Variants in LHFPL1 observed in about 807,000 individuals in gnomAD.
LHFPL1 encodes LHFPL tetraspan subfamily member 1.
LHFPL1 carries 4 observed loss-of-function variants against 12.1 expected under a neutral mutation model. That is an observed-to-expected ratio of 0.33 (90% CI 0.16 to 0.76). The LOEUF (loss-of-function observed/expected upper bound fraction) is 0.76. Among genes scored for constraint, LHFPL1 ranks in the 30% least tolerant of loss-of-function variants. The pLI is 0.61. For synonymous variants in LHFPL1, 52 were observed against 61.9 expected (o/e 0.84, Z 0.75); for missense variants, 141 against 174.1 (o/e 0.81, Z 1.07).
intron 2 of LHFPL1, among the ~76,000 whole-genome samples, chrX:112,668,500 T>C (rs1167607702): frequency 8.9e-6 from 1 of 112,949 alleles, no homozygotes; most frequent in Non-Finnish European, 1.9e-5. Context: ...CTTGAAGACT[T>C]GTAGGACTAC....
chrX:112,655,018 A>G (rs1161423402), intron 3 of LHFPL1, among the ~76,000 whole-genome samples: 1 of 111,797 alleles, frequency 8.9e-6, no homozygotes, highest in Non-Finnish European at 1.9e-5. Flanking sequence ...TACTAGCTGA[A>G]CTTTTCTGTC....
intron 3 of LHFPL1, among the ~76,000 whole-genome samples, chrX:112,636,042 G>GGGGGCA (rs1930328826): frequency 1.8e-5 from 2 of 110,715 alleles, no homozygotes; most frequent in African/African-American, 3.3e-5. Flanking sequence ...TACTTGGTGT[G>GGGGGCA]GGGGCAGGGG....
chrX:112,679,063 C>T (rs1466212939), intron 1 of LHFPL1, among the ~76,000 whole-genome samples: 1 of 111,500 alleles, frequency 9.0e-6, no homozygotes, highest in Non-Finnish European at 1.9e-5. Context: ...CCTATTCTCT[C>T]ATAAGTAATG....
rs180972468 is a variant in LHFPL1 at position 112,644,849 on chromosome X, G to T, written c.482-13248C>A. On this transcript the variant is annotated intron_variant, in intron 3 of 3. Coordinates refer to ENST00000371968, the MANE Select transcript of LHFPL1 (RefSeq NM_178175.4). Reference sequence around the variant, plus strand: ...AAGAAAACAAACTGTCCATAAAGAAGGAAACTGACAGAAAGAAAAGGTAAC... The same window carrying T: ...AAGAAAACAAACTGTCCATAAAGAATGAAACTGACAGAAAGAAAAGGTAAC... 2.7e-5 allele frequency among the ~76,000 whole-genome samples: 3 copies of T among 112,125 alleles called. No homozygotes were observed. The Admixed American group carries it at 2.8e-4, about 11-fold the overall frequency.
intron 1 of LHFPL1, among the ~76,000 whole-genome samples, chrX:112,675,598 T>A (rs1317480657): frequency 8.9e-6 from 1 of 112,396 alleles, no homozygotes; most frequent in Non-Finnish European, 1.9e-5. Flanking sequence ...TACTTTCAAC[T>A]TTAGGAAAAA....
chrX:112,653,291 A>G (rs1930905298), intron 3 of LHFPL1, among the ~76,000 whole-genome samples: 1 of 111,053 alleles, frequency 9.0e-6, no homozygotes, highest in African/African-American at 3.3e-5. Flanking sequence ...GGCAATGGAG[A>G]CTCCCAGGCC....
chrX:112,662,045 C>G (rs1931203795), intron 2 of LHFPL1, among the ~76,000 whole-genome samples: 1 of 112,509 alleles, frequency 8.9e-6, no homozygotes, highest in Admixed American at 9.4e-5. Context: ...GAAGCCAGGC[C>G]TTCCTGATGG....
chrX:112,669,044 A>G (rs1414239772), intron 2 of LHFPL1, among the ~76,000 whole-genome samples: 1 of 112,543 alleles, frequency 8.9e-6, no homozygotes, highest in African/African-American at 3.2e-5. Context: ...GCCTGGAAAA[A>G]GAGGAAAGGA....
intron 3 of LHFPL1, among the ~76,000 whole-genome samples, chrX:112,634,748 C>T (rs1225424884): frequency 9.0e-6 from 1 of 111,163 alleles, no homozygotes; most frequent in Non-Finnish European, 1.9e-5. Flanking sequence ...AGCTAGGAGC[C>T]AACACTAAAG....
At chrX:112,639,545 C>T (rs1223723806) in intron 3 of LHFPL1, among the ~76,000 whole-genome samples, 7 of 111,654 alleles carry the variant, frequency 6.3e-5, no homozygotes, top group Admixed American at 9.5e-5. Context: ...GTCCTCATGA[C>T]GACAGAAATG....
At chrX:112,661,750 T>C (rs964858671) in intron 2 of LHFPL1, 1 of 112,560 alleles carries the variant, frequency 8.9e-6, no homozygotes, top group Middle Eastern at 4.6e-3. Flanking sequence ...TTCTCACTAC[T>C]GCACTTGACT....
At chrX:112,639,870 G>A (rs1295611278) in intron 3 of LHFPL1, among the ~76,000 whole-genome samples, 13 of 111,960 alleles carry the variant, frequency 1.2e-4, no homozygotes, top group Non-Finnish European at 1.9e-5. Flanking sequence ...AGCTACACCT[G>A]GAGCAGATTC....
chrX:112,632,067 G>A (rs1930206507), intron 3 of LHFPL1, among the ~76,000 whole-genome samples: 1 of 111,546 alleles, frequency 9.0e-6, no homozygotes, highest in Admixed American at 9.5e-5. Flanking sequence ...CACACAGCCG[G>A]CAAGTGGTAA....
At chrX:112,678,835 T>C (rs1931725709) in intron 1 of LHFPL1, among the ~76,000 whole-genome samples, 1 of 111,988 alleles carries the variant, frequency 8.9e-6, no homozygotes, top group African/African-American at 3.3e-5. Flanking sequence ...GGAATACTGT[T>C]TTAGTGGAAA....
intron 3 of LHFPL1, among the ~76,000 whole-genome samples, chrX:112,650,218 T>G (rs956543555): frequency 1.8e-5 from 2 of 111,328 alleles, no homozygotes; most frequent in East Asian, 5.6e-4. Context: ...CATTGCACCC[T>G]CGGTTTCTCA....
At chrX:112,663,189 A>G (rs1226937073) in intron 2 of LHFPL1, among the ~76,000 whole-genome samples, 2 of 111,425 alleles carry the variant, frequency 1.8e-5, no homozygotes, top group Non-Finnish European at 3.8e-5. Context: ...AGGCTAAATT[A>G]CACGCTCCTT....
intron 3 of LHFPL1, among the ~76,000 whole-genome samples, chrX:112,656,823 C>T (rs939461792): frequency 3.6e-5 from 4 of 112,012 alleles, no homozygotes; most frequent in African/African-American, 6.5e-5. Context: ...ATAGCTTCAC[C>T]TAGCCTACCC....
chrX:112,634,697 GC>G (rs1930287252), intron 3 of LHFPL1, among the ~76,000 whole-genome samples: 1 of 111,376 alleles, frequency 9.0e-6, no homozygotes, highest in African/African-American at 3.3e-5. Flanking sequence ...GGCTAGAAAG[GC>G]CCCAATAAAC....
chrX:112,631,453 A>G lies in LHFPL1; in HGVS notation c.630T>C (p.Tyr210=), dbSNP rs1331062534. ...VESIMRNTNS[Y]AMELDHCLKP ...TGAGGCAATGGTCAAGCTCCATAGC[A>G]TAAGAATTGGTATTCCTCATGATGC... The change falls in exon 4 of 4, where the codon TAT becomes TAC. Residue 210 remains tyrosine (Y), a synonymous_variant. Transcript: ENST00000371968. The G allele has an allele frequency of 9.9e-6, 12 of 1,208,208 alleles. No individual in the cohort carries two copies. Among genetic ancestry groups the G allele is most frequent in the Non-Finnish European group, 1.2e-5 (11 of 894,295 alleles).
Sources: allele counts gnomAD v4.1 joint callset (sites outside exome capture counted in the v4.1 genomes callset), GRCh38; gene constraint gnomAD v4.1.1; transcripts MANE v1.5; gene names NCBI Gene and HGNC (gene_info 2026-07-23, HGNC 2026-07-21).